Variants in SCN11A observed in about 807,000 individuals in gnomAD.
SCN11A encodes the protein sodium voltage-gated channel alpha subunit 11.
SCN11A carries 122 observed loss-of-function variants against 162.2 expected under a neutral mutation model. That is an observed-to-expected ratio of 0.75 (90% CI 0.65 to 0.87). The LOEUF (loss-of-function observed/expected upper bound fraction) is 0.87, where lower values mean the gene tolerates loss of function less well. Among genes scored for constraint, SCN11A ranks in the 40% least tolerant of loss-of-function variants. The probability of loss-of-function intolerance (pLI) is 0.00; values close to 1 mark genes in which losing one functional copy is unlikely to be tolerated. For synonymous variants in SCN11A, 758 were observed against 751.5 expected, an observed-to-expected ratio of 1.01 and a Z score of -0.14; for missense variants, 2,015 against 2,181.6, an observed-to-expected ratio of 0.92 and a Z score of 1.52.
In SCN11A at chr3:38,963,432, T is replaced by TATATATATATGATGGAG. The variant is rs1559558371; in HGVS notation, c.-279-3010_-279-3009insCTCCATCATATATATAT. Among the ~76,000 whole-genome samples, 15 of 88,732 alleles carry TATATATATATGATGGAG rather than the reference T, an allele frequency of 1.7e-4. 1 individual carries two copies. Among genetic ancestry groups the TATATATATATGATGGAG allele is most frequent in the South Asian group, 6.5e-4 (2 of 3,066 alleles). The allele number at this position is 88,732 out of a possible 152,430, so 58.2% of individuals were successfully genotyped here. A position where few individuals can be genotyped will look rare whatever the true frequency, so the allele number is the denominator to read the frequency against. On this transcript the variant is annotated intron_variant, in intron 2 of 29. Transcript: ENST00000302328. Reference sequence around the variant, plus strand: ...TATATATATATGATGGAGATATATATATATATATATATGATGGAGATATAT... The same window carrying TATATATATATGATGGAG: ...TATATATATATGATGGAGATATATATATATATATATGATGGAGATATATATATATGATGGAGATATAT...
chr3:38,995,721 G>T (rs965693008), intron 2 of SCN11A, among the ~76,000 whole-genome samples: 4 of 152,034 alleles, frequency 2.6e-5, no homozygotes, highest in African/African-American at 9.7e-5. Flanking sequence ...GTTTTTCCTG[G>T]TTCTCCAGCC....
intron 9 of SCN11A, among the ~76,000 whole-genome samples, chr3:38,922,145 T>C (rs1466034751): frequency 6.6e-6 from 1 of 152,214 alleles, no homozygotes; most frequent in Admixed American, 6.5e-5. Flanking sequence ...TTGAAAGGCA[T>C]GGAATGACAC....
intron 18 of SCN11A, among the ~76,000 whole-genome samples, chr3:38,895,193 C>T (rs1339925906): frequency 6.6e-6 from 1 of 152,150 alleles, no homozygotes; most frequent in African/African-American, 2.4e-5. Flanking sequence ...TAGCCAAGTC[C>T]ACTTTCCCTA....
chr3:38,992,331 G>T (rs1355208079), intron 2 of SCN11A, among the ~76,000 whole-genome samples: 2 of 152,204 alleles, frequency 1.3e-5, no homozygotes, highest in Non-Finnish European at 2.9e-5. Flanking sequence ...CACATCATCT[G>T]TGCAGCTCAA....
chr3:39,004,683 G>A (rs1175989203), intron 2 of SCN11A, among the ~76,000 whole-genome samples: 1 of 151,748 alleles, frequency 6.6e-6, no homozygotes. Context: ...CCATTTGTTT[G>A]TGTCTTCTCT....
chr3:38,867,270 A>G (rs914198617), intron 27 of SCN11A, 51 bp downstream of exon 27: 3 of 1,554,008 alleles, frequency 1.9e-6, no homozygotes, highest in Non-Finnish European at 2.6e-6. Context: ...TTGTTAATGC[A>G]TTTGGAGGAC....
intron 20 of SCN11A, among the ~76,000 whole-genome samples, 184 bp downstream of exon 20, chr3:38,885,941 C>A (rs2065390279): frequency 6.6e-6 from 1 of 152,192 alleles, no homozygotes; most frequent in Admixed American, 6.5e-5. Context: ...CTCACCATGA[C>A]AAATAATTGT....
chr3:38,926,932 CT>C lies in SCN11A; in HGVS notation c.489-2del. 6.2e-7 allele frequency: 1 copy of C among 1,610,474 alleles called. No homozygotes were observed. The highest frequency in any genetic ancestry group is 8.5e-7 in the Non-Finnish European group (1 of 1,178,178). The stretch of plus-strand genomic sequence containing the variant: ...AATATAAATCCCAGTGAAGACACAC[CT>C]AAAAAGCAAATCATTTACAACAGGA... On this transcript the variant is annotated splice_acceptor_variant, in intron 7 of 29. Coordinates refer to ENST00000302328, the MANE Select transcript of SCN11A (RefSeq NM_001349253.2). LOFTEE classifies it high-confidence loss of function.
At chr3:38,885,440 T>C in intron 20 of SCN11A, 38 bp from the exon 21 acceptor site, 5 of 1,104,638 alleles carry the variant, frequency 4.5e-6, no homozygotes, top group Non-Finnish European at 7.0e-6. Flanking sequence ...TGCCTTTTAC[T>C]AAGACCTTCT....
chr3:38,872,670 T>C (rs980730916), intron 23 of SCN11A, among the ~76,000 whole-genome samples: 12 of 152,326 alleles, frequency 7.9e-5, no homozygotes, highest in African/African-American at 2.9e-4. Flanking sequence ...ATGTGGATTT[T>C]AATTGAATCA....
intron 29 of SCN11A, among the ~76,000 whole-genome samples, chr3:38,848,889 A>C (rs1437752384): frequency 6.6e-6 from 1 of 152,222 alleles, no homozygotes; most frequent in Non-Finnish European, 1.5e-5. Context: ...CCAAAAACTT[A>C]GGAAAGAGCT....
intron 2 of SCN11A, among the ~76,000 whole-genome samples, chr3:38,988,506 C>T (rs12637905): frequency 0.1 from 15,942 of 152,090 alleles, 1,061 homozygotes; most frequent in East Asian, 0.22. Flanking sequence ...AGGTAGTCCT[C>T]GCACACATCT....
chr3:38,938,124 G>A (rs1384844627), intron 7 of SCN11A, among the ~76,000 whole-genome samples: 9 of 151,904 alleles, frequency 5.9e-5, no homozygotes, highest in East Asian at 3.9e-4. Context: ...GTAAACTATC[G>A]CAAGAACAAA....
intron 2 of SCN11A, among the ~76,000 whole-genome samples, chr3:38,996,068 A>T (rs1428470180): frequency 6.6e-6 from 1 of 152,196 alleles, no homozygotes; most frequent in East Asian, 1.9e-4. Context: ...GAAGGTGACC[A>T]TCTACAAGAT....
intron 2 of SCN11A, among the ~76,000 whole-genome samples, chr3:38,971,362 C>G (rs951326918): frequency 5.3e-5 from 8 of 152,108 alleles, no homozygotes; most frequent in African/African-American, 1.9e-4. Context: ...ACTCCCTTTA[C>G]CCTAGAGGTA....
At chr3:38,963,336 C>T (rs1431013532) in intron 2 of SCN11A, among the ~76,000 whole-genome samples, 2 of 110,666 alleles carry the variant, frequency 1.8e-5, no homozygotes, top group Non-Finnish European at 3.8e-5. Flanking sequence ...GATAAAGAAA[C>T]TATATCTATT....
rs116810024 is a variant in SCN11A, at chr3:39,001,430, T to C, written c.-280+30950A>G. Among the ~76,000 whole-genome samples the C allele has an allele frequency of 6.9e-3, 1,050 of 152,354 alleles. 10 individuals carry two copies. The highest frequency in any genetic ancestry group is 0.024 in the African/African-American group (1,008 of 41,590). On this transcript the variant is annotated intron_variant, in intron 2 of 29. Coordinates refer to ENST00000302328, the MANE Select transcript of SCN11A (RefSeq NM_001349253.2). ...CAAAATGTTTCTTTTCCAAGGTTTA[T>C]GCATGTTGTAGCATGTATCAGTATG...
chr3:38,926,522 T>C (rs969200197), intron 8 of SCN11A, among the ~76,000 whole-genome samples: 1 of 151,486 alleles, frequency 6.6e-6, no homozygotes, highest in African/African-American at 2.4e-5. Flanking sequence ...GGCACACCCC[T>C]GTATCTTCCA....
chr3:38,963,421 GGAGATA>G (rs2066759148), intron 2 of SCN11A, among the ~76,000 whole-genome samples: 1 of 33,632 alleles, frequency 3.0e-5, no homozygotes, highest in African/African-American at 2.1e-4. Flanking sequence ...TATATATGAT[GGAGATA>G]TATATATATA....
Sources: allele counts gnomAD v4.1 joint callset (sites outside exome capture counted in the v4.1 genomes callset), GRCh38; gene constraint gnomAD v4.1.1; transcripts MANE v1.5; gene names NCBI Gene and HGNC (gene_info 2026-07-23, HGNC 2026-07-21).